Variants in TRAPPC10 observed in about 807,000 individuals in gnomAD.
The protein encoded by TRAPPC10 is trafficking protein particle complex subunit 10.
A neutral mutation model predicts 125.5 loss-of-function variants in TRAPPC10; 23 were observed. The ratio of observed to expected loss-of-function variants is 0.18; its 90% CI spans 0.13 to 0.26. The LOEUF (loss-of-function observed/expected upper bound fraction) is 0.26, where lower values mean the gene tolerates loss of function less well. Ranked by LOEUF, TRAPPC10 falls within the 10% of genes least tolerant of loss-of-function variation. The pLI, the probability that TRAPPC10 is intolerant of heterozygous loss-of-function variation, is 1.00. For missense variants in TRAPPC10, 1,123 were observed against 1,308.4 expected (o/e 0.86, Z 2.19); for synonymous variants, 509 against 518.0 (o/e 0.98, Z 0.24).
At chr21:44,085,297 A>G (rs927245085) in intron 15 of TRAPPC10, among the ~76,000 whole-genome samples, 2 of 151,946 alleles carry the variant, frequency 1.3e-5, no homozygotes, top group Admixed American at 1.3e-4. Flanking sequence ...GGGGTTGAAA[A>G]CTACATGTGT....
rs2038411985 is a variant in TRAPPC10, at chr21:44,089,369, C to T, written c.2770-464C>T. ...CCTAAACTGATTTGGTTTTCAGTTA[C>T]ATATTCAGCCTCACATGGATTAAAT... On this transcript the variant is annotated intron_variant, in intron 17 of 22. Transcript: ENST00000291574. 4 of 361,322 alleles carry T rather than the reference C, an allele frequency of 1.1e-5. No homozygotes were observed. In the Admixed American group the frequency reaches 1.4e-4, roughly 12 times the overall value. 22.4% of individuals were successfully genotyped at this position (361,322 alleles called of 1,614,324 possible). A position where few individuals can be genotyped will look rare whatever the true frequency, so the allele number is the denominator to read the frequency against.
chr21:44,017,219 G>T (rs2031967430), intron 1 of TRAPPC10, among the ~76,000 whole-genome samples: 1 of 152,192 alleles, frequency 6.6e-6, no homozygotes, highest in African/African-American at 2.4e-5. Context: ...GGGGACTAAA[G>T]GCACCAACAA....
chr21:44,033,579 G>A (rs970269364), intron 2 of TRAPPC10, among the ~76,000 whole-genome samples: 1 of 152,214 alleles, frequency 6.6e-6, no homozygotes, highest in South Asian at 2.1e-4. Flanking sequence ...AAACTATGTA[G>A]GCCCGGCATG....
At chr21:44,014,416 C>T (rs762893315) in intron 1 of TRAPPC10, among the ~76,000 whole-genome samples, 7 of 150,528 alleles carry the variant, frequency 4.7e-5, no homozygotes, top group African/African-American at 1.2e-4. Context: ...TTTTTTGAGA[C>T]GGCGTCTTTC....
At chr21:44,065,415 T>C (rs2036373029) in intron 7 of TRAPPC10, among the ~76,000 whole-genome samples, 1 of 152,238 alleles carries the variant, frequency 6.6e-6, no homozygotes, top group Non-Finnish European at 1.5e-5. Context: ...TTTGCTTTGC[T>C]GAATGAAGTT....
intron 4 of TRAPPC10, 61 bp downstream of exon 4, chr21:44,052,537 C>A: frequency 1.4e-6 from 2 of 1,460,120 alleles, no homozygotes; most frequent in Non-Finnish European, 1.9e-6. Context: ...AGATTGCTGG[C>A]TTCCTGGGTA....
At chr21:44,074,976 A>G in intron 8 of TRAPPC10, 63 bp from the exon 9 acceptor site, 1 of 1,204,468 alleles carries the variant, frequency 8.3e-7, no homozygotes, top group Admixed American at 2.2e-5. Context: ...TTATATTTAA[A>G]TTCTTGAATT....
At position 44,082,243 on chromosome 21, in the gene TRAPPC10, G is replaced by T. The variant is rs140366393; in HGVS notation, c.1724-545G>T. Reference sequence around the variant, plus strand: ...GGTCAGAGAGAGAAGGGCCCAGAGAGAGCATTAGGCTCTCATTCCAGCAGC... The same window carrying T: ...GGTCAGAGAGAGAAGGGCCCAGAGATAGCATTAGGCTCTCATTCCAGCAGC... On this transcript the variant is annotated intron_variant, in intron 13 of 22. Transcript: ENST00000291574. This position sits in a 1 kb window ranked among gnomAD's most constrained non-coding sequence, Gnocchi z 4.4. Among the ~76,000 whole-genome samples, 651 of 152,338 alleles carry T rather than the reference G, an allele frequency of 4.3e-3. 1 individual carries two copies. Among genetic ancestry groups the T allele is most frequent in the Non-Finnish European group, 7.2e-3 (488 of 68,022 alleles).
chr21:44,018,277 C>T (rs1050622437), intron 1 of TRAPPC10, among the ~76,000 whole-genome samples: 9 of 151,934 alleles, frequency 5.9e-5, no homozygotes, highest in Middle Eastern at 3.4e-3. Flanking sequence ...TGGTGGTGTG[C>T]GCTTGTACTC....
At chr21:44,072,339 C>T (rs1030700228) in intron 7 of TRAPPC10, among the ~76,000 whole-genome samples, 3 of 152,214 alleles carry the variant, frequency 2.0e-5, no homozygotes, top group Admixed American at 6.5e-5. Context: ...CTGCATCCAG[C>T]GTCCTCTGCC....
intron 8 of TRAPPC10, among the ~76,000 whole-genome samples, 167 bp downstream of exon 8, chr21:44,074,637 C>T (rs1198170352): frequency 6.6e-6 from 1 of 152,206 alleles, no homozygotes; most frequent in Non-Finnish European, 1.5e-5. Context: ...GTCATAGTTC[C>T]CTACCACATG....
intron 1 of TRAPPC10, among the ~76,000 whole-genome samples, chr21:44,026,786 G>A (rs2033114449): frequency 6.6e-6 from 1 of 152,162 alleles, no homozygotes; most frequent in South Asian, 2.1e-4. Flanking sequence ...GTCGCAACTG[G>A]GAGATGACCC....
At chr21:44,024,907 G>T (rs61536729) in intron 1 of TRAPPC10, among the ~76,000 whole-genome samples, 24 of 152,208 alleles carry the variant, frequency 1.6e-4, no homozygotes, top group African/African-American at 5.5e-4. Flanking sequence ...AAACATATTT[G>T]TATTTCCCTT....
chr21:44,089,407 C>T, intron 17 of TRAPPC10: 2 of 381,640 alleles, frequency 5.2e-6, no homozygotes, highest in South Asian at 3.7e-5. Flanking sequence ...TTAGATAATT[C>T]ATTAACTATG....
intron 15 of TRAPPC10, among the ~76,000 whole-genome samples, chr21:44,085,742 A>G (rs1475305220): frequency 2.0e-5 from 3 of 152,104 alleles, no homozygotes; most frequent in Admixed American, 1.3e-4. Flanking sequence ...GAAAGGGTTG[A>G]TTAAACTTGT....
intron 13 of TRAPPC10, among the ~76,000 whole-genome samples, chr21:44,081,738 G>T (rs1385032018): frequency 6.6e-6 from 1 of 152,150 alleles, no homozygotes; most frequent in African/African-American, 2.4e-5. Flanking sequence ...AATTAGCCAG[G>T]TGTGGTGGCG....
Position 44,052,412 on chromosome 21 carries a change from A to G in TRAPPC10, c.418A>G (p.Ile140Val). ...NDAKKKNKTN[I>V]LPRTSIVDKI... ...TGCCAAGAAAAAAAACAAAACCAACATCCTTCCCCGAACCTCTATTGTGGA... is the reference window on the plus strand; with the variant it reads ...TGCCAAGAAAAAAAACAAAACCAACGTCCTTCCCCGAACCTCTATTGTGGA... Residue 140 changes from isoleucine (I) to valine (V), a missense_variant, in exon 4 of 23, where the codon ATC becomes GTC. Coordinates refer to ENST00000291574, the MANE Select transcript of TRAPPC10 (RefSeq NM_003274.5). 1 of 1,613,860 alleles carries G rather than the reference A, an allele frequency of 6.2e-7. No homozygotes were observed.
chr21:44,024,272 A>C (rs1159130014), intron 1 of TRAPPC10, among the ~76,000 whole-genome samples: 1 of 152,288 alleles, frequency 6.6e-6, no homozygotes, highest in Admixed American at 6.5e-5. Flanking sequence ...TCCCCAGCTC[A>C]TGCTGCTTCA....
intron 1 of TRAPPC10, among the ~76,000 whole-genome samples, chr21:44,023,310 C>T (rs1462234122): frequency 3.9e-5 from 6 of 152,166 alleles, no homozygotes; most frequent in East Asian, 1.9e-4. Flanking sequence ...GCTGGGATTA[C>T]AGATGTGAGC....
Sources: gnomAD v4.1 joint callset for allele counts (sites outside exome capture counted in the v4.1 genomes callset) on GRCh38, gnomAD v4.1.1 for gene constraint, Gnocchi (gnomAD v3.1) non-coding constraint, MANE v1.5 for transcripts, NCBI Gene and HGNC (gene_info 2026-07-23, HGNC 2026-07-21) for gene names.